CSMD1: variants seen among roughly 807,000 people sequenced by gnomAD.
The protein encoded by CSMD1 is CUB and Sushi multiple domains 1, also known as CUB and sushi domain-containing protein 1.
In CSMD1, 213 loss-of-function variants were observed where a neutral mutation model predicts 417.5. The ratio of observed to expected loss-of-function variants is 0.51; its 90% confidence interval spans 0.46 to 0.57. The LOEUF is 0.57. CSMD1 is among the 20% of genes least tolerant of loss of function. The probability of loss-of-function intolerance (pLI) is 0.00; values close to 1 mark genes in which losing one functional copy is unlikely to be tolerated. For synonymous variants in CSMD1, 2,862 were observed against 1,736.8 expected, an observed-to-expected ratio of 1.65 and a Z score of -16.11; for missense variants, 6,923 against 4,529.7, an observed-to-expected ratio of 1.53 and a Z score of -15.17.
intron 2 of CSMD1, among the ~76,000 whole-genome samples, chr8:4,615,997 T>C (rs1262726506): frequency 2.0e-5 from 3 of 152,146 alleles, no homozygotes; most frequent in African/African-American, 4.8e-5. Flanking sequence ...ACATCACCTT[T>C]TCGGTTAGAT....
intron 9 of CSMD1, among the ~76,000 whole-genome samples, chr8:3,582,206 G>C (rs947112901): frequency 1.3e-5 from 2 of 152,208 alleles, no homozygotes; most frequent in Non-Finnish European, 1.5e-5. Context: ...ATTCCCTGTA[G>C]TCTGTTTTAG....
chr8:3,606,394 G>C (rs1801615472), intron 8 of CSMD1, among the ~76,000 whole-genome samples: 1 of 152,158 alleles, frequency 6.6e-6, no homozygotes, highest in African/African-American at 2.4e-5. Context: ...ACTGAGTACT[G>C]TAGGCAATTG....
chr8:4,071,474 T>A (rs985709083), intron 3 of CSMD1, among the ~76,000 whole-genome samples: 3 of 152,184 alleles, frequency 2.0e-5, no homozygotes, highest in Non-Finnish European at 4.4e-5. Context: ...TTCCTGATAT[T>A]TCTAACTTTT....
intron 1 of CSMD1, among the ~76,000 whole-genome samples, chr8:4,931,465 G>T (rs777878943): frequency 6.6e-5 from 10 of 152,106 alleles, no homozygotes; most frequent in Non-Finnish European, 1.5e-5. Flanking sequence ...CCTGCCCACC[G>T]TCTGTCCCAG....
At chr8:4,735,931 C>G (rs868391233) in intron 1 of CSMD1, among the ~76,000 whole-genome samples, 1 of 152,106 alleles carries the variant, frequency 6.6e-6, no homozygotes, top group African/African-American at 2.4e-5. Flanking sequence ...TAAGTAGCCA[C>G]CGGTTGCAAC....
chr8:3,655,391 C>T (rs181838427), intron 7 of CSMD1, among the ~76,000 whole-genome samples: 1 of 152,326 alleles, frequency 6.6e-6, no homozygotes, highest in African/African-American at 2.4e-5. Flanking sequence ...CACTATTACT[C>T]TAGTCACAGT....
At chr8:4,347,825 C>G (rs1181397883) in intron 3 of CSMD1, among the ~76,000 whole-genome samples, 1 of 134,158 alleles carries the variant, frequency 7.5e-6, no homozygotes, top group Non-Finnish European at 1.5e-5. Flanking sequence ...GATATTATAT[C>G]TTCTCTCGTT....
At chr8:3,270,086 G>A (rs975070645) in intron 26 of CSMD1, among the ~76,000 whole-genome samples, 3 of 121,476 alleles carry the variant, frequency 2.5e-5, no homozygotes, top group Non-Finnish European at 3.2e-5. Flanking sequence ...GTCTTGCTCT[G>A]TTGCCCAGGG....
At chr8:4,231,039 C>A (rs1312336737) in intron 3 of CSMD1, among the ~76,000 whole-genome samples, 5 of 152,154 alleles carry the variant, frequency 3.3e-5, no homozygotes, top group African/African-American at 1.2e-4. Context: ...ATCCAACTTG[C>A]TACCGTGGGA....
At chr8:4,156,190 C>A (rs181070779) in intron 3 of CSMD1, among the ~76,000 whole-genome samples, 1 of 152,242 alleles carries the variant, frequency 6.6e-6, no homozygotes, top group East Asian at 1.9e-4. Flanking sequence ...AACAAGGTTT[C>A]ATATCTGGAC....
intron 40 of CSMD1, among the ~76,000 whole-genome samples, chr8:3,148,011 T>G (rs980188953): frequency 6.6e-6 from 1 of 152,324 alleles, no homozygotes; most frequent in East Asian, 1.9e-4. Flanking sequence ...AAGATATTTT[T>G]TGTGTGACGT....
chr8:3,520,893 G>C (rs945711326), intron 10 of CSMD1, among the ~76,000 whole-genome samples: 2 of 152,040 alleles, frequency 1.3e-5, no homozygotes, highest in Admixed American at 6.6e-5. Flanking sequence ...TCTAGCACTG[G>C]AACCTCCTGG....
intron 10 of CSMD1, among the ~76,000 whole-genome samples, chr8:3,516,161 C>G (rs995391117): frequency 6.6e-6 from 1 of 152,182 alleles, no homozygotes; most frequent in African/African-American, 2.4e-5. Context: ...ATTTCAAAGA[C>G]AATATCCTTA....
At chr8:3,061,317 G>C (rs1320985298) in intron 49 of CSMD1, among the ~76,000 whole-genome samples, 4 of 152,122 alleles carry the variant, frequency 2.6e-5, no homozygotes, top group Admixed American at 6.5e-5. Flanking sequence ...TTTGTCATGA[G>C]AAATAATAAT....
At chr8:4,055,727 T>A (rs573983288) in intron 3 of CSMD1, among the ~76,000 whole-genome samples, 1 of 152,260 alleles carries the variant, frequency 6.6e-6, no homozygotes, top group African/African-American at 2.4e-5. Flanking sequence ...AAATAAAAAC[T>A]TGCTGTCATC....
In CSMD1 at chr8:3,884,082, A is replaced by G. The variant is rs184731066; in HGVS notation, c.818+113821T>C. ...AGTGTTTCAAAATCATTATTTTCCA[A>G]TAAAGGTAAACAGCGAATTGAAAAG... is the stretch of plus-strand genomic sequence containing the variant. On this transcript the variant is annotated intron_variant, in intron 5 of 69. Coordinates refer to ENST00000635120, the MANE Select transcript of CSMD1 (RefSeq NM_033225.6). Among the ~76,000 whole-genome samples the G allele has an allele frequency of 3.9e-4, 60 of 152,346 alleles. 1 individual carries two copies. In the East Asian group the frequency reaches 9.1e-3, roughly 23 times the overall value.
intron 3 of CSMD1, among the ~76,000 whole-genome samples, chr8:4,036,266 A>G (rs1467750670): frequency 1.3e-5 from 2 of 152,200 alleles, no homozygotes; most frequent in Non-Finnish European, 2.9e-5. Flanking sequence ...TGCATGTAAC[A>G]TATCTCAAGA....
intron 5 of CSMD1, among the ~76,000 whole-genome samples, chr8:3,948,638 C>T (rs928213231): frequency 6.6e-6 from 1 of 152,140 alleles, no homozygotes. Context: ...TTTCCATTAT[C>T]TAAAAGTACA....
At chr8:3,587,814 G>T (rs941136661) in intron 8 of CSMD1, among the ~76,000 whole-genome samples, 1 of 152,082 alleles carries the variant, frequency 6.6e-6, no homozygotes, top group Non-Finnish European at 1.5e-5. Flanking sequence ...GACTTTTCCA[G>T]ATTTATCTGT....
Sources: gnomAD v4.1 joint callset for allele counts (sites outside exome capture counted in the v4.1 genomes callset) on GRCh38, gnomAD v4.1.1 for gene constraint, MANE v1.5 for transcripts, NCBI Gene and HGNC (gene_info 2026-07-23, HGNC 2026-07-21) for gene names.